The following METTL2B variants were observed in gnomAD, a reference collection of about 807,000 sequenced individuals.
The protein encoded by METTL2B is tRNA N(3)-cytidine methyltransferase METTL2B.
Under a neutral mutation model 51.0 loss-of-function variants are expected in METTL2B, and 28 were observed. The ratio of observed to expected loss-of-function variants is 0.55; its 90% confidence interval spans 0.41 to 0.75. The LOEUF (loss-of-function observed/expected upper bound fraction) is 0.75, where lower values mean the gene tolerates loss of function less well. Ranked by LOEUF, METTL2B falls within the 30% of genes least tolerant of loss-of-function variation. METTL2B has a pLI of 0.00. For missense variants in METTL2B, 313 were observed against 460.7 expected (o/e 0.68, Z 2.93); for synonymous variants, 128 against 166.3 (o/e 0.77, Z 1.77).
intron 7 of METTL2B, among the ~76,000 whole-genome samples, chr7:128,499,416 G>A (rs574933240): frequency 3.4e-4 from 51 of 151,914 alleles, no homozygotes; most frequent in Non-Finnish European, 4.6e-4. Context: ...GCAATGGCGC[G>A]ATCTCGGCTC....
chr7:128,482,722 T>C (rs1424867049), intron 4 of METTL2B, among the ~76,000 whole-genome samples: 1 of 151,934 alleles, frequency 6.6e-6, no homozygotes, highest in Non-Finnish European at 1.5e-5. Context: ...TTAGTAGAGA[T>C]GGGGTTTCGC....
chr7:128,489,582 C>CA (rs1792788707), intron 5 of METTL2B, among the ~76,000 whole-genome samples: 1 of 150,894 alleles, frequency 6.6e-6, no homozygotes, highest in Non-Finnish European at 1.5e-5. Context: ...TGGTGATTGC[C>CA]AAGGGCTGGG....
rs558386630 is a variant in METTL2B at position 128,497,682 on chromosome 7, C to T, written c.810-354C>T. ...ATTTTCAGTAGAGACGGGGTTTCAC[C>T]GTTTTGGCCAGACTGGTCTCAAACT... On this transcript the variant is annotated intron_variant, in intron 6 of 8. Coordinates refer to ENST00000262432, the MANE Select transcript of METTL2B (RefSeq NM_018396.3). Among the ~76,000 whole-genome samples, 19 of 152,226 alleles carry T rather than the reference C, an allele frequency of 1.2e-4. 1 individual carries two copies. The highest frequency in any genetic ancestry group is 8.3e-4 in the South Asian group (4 of 4,816).
chr7:128,479,237 T>C lies in METTL2B; in HGVS notation c.282T>C (p.His94=). ...IHENGFFKDR[H]WLFTEFPELA... The stretch of plus-strand genomic sequence containing the variant: ...AAAATGGGTTTTTCAAGGATAGACA[T>C]TGGCTTTTTACCGAATTCCCTGAGC... The change falls in exon 3 of 9, where the codon CAT becomes CAC. Residue 94 remains histidine (H), a synonymous_variant. Coordinates refer to ENST00000262432, the MANE Select transcript of METTL2B (RefSeq NM_018396.3). 5.0e-6 allele frequency: 8 copies of C among 1,614,220 alleles called. No individual in the cohort carries two copies. The highest frequency in any genetic ancestry group is 6.8e-6 in the Non-Finnish European group (8 of 1,180,034).
intron 7 of METTL2B, among the ~76,000 whole-genome samples, chr7:128,499,114 A>G (rs998765560): frequency 9.2e-5 from 14 of 152,196 alleles, no homozygotes; most frequent in Non-Finnish European, 1.8e-4. Context: ...TTTTCAGTGC[A>G]TATAATAGAT....
At chr7:128,489,464 A>G (rs1683475038) in intron 5 of METTL2B, among the ~76,000 whole-genome samples, 1 of 151,606 alleles carries the variant, frequency 6.6e-6, no homozygotes, top group Non-Finnish European at 1.5e-5. Context: ...AAGAAAAAAA[A>G]TAGTTTATTG....
chr7:128,486,465 T>C (rs565793204), intron 4 of METTL2B, among the ~76,000 whole-genome samples: 1 of 151,898 alleles, frequency 6.6e-6, no homozygotes, highest in Admixed American at 6.6e-5. Context: ...CAAGGCATGG[T>C]GGTGGGCACC....
chr7:128,492,627 T>C (rs2116858879), intron 5 of METTL2B, among the ~76,000 whole-genome samples: 1 of 151,358 alleles, frequency 6.6e-6, no homozygotes, highest in East Asian at 2.0e-4. Flanking sequence ...TTGTTTGTTT[T>C]TGTTTTTGAG....
chr7:128,479,988 G>A (rs1193994247), intron 3 of METTL2B, among the ~76,000 whole-genome samples: 1 of 152,130 alleles, frequency 6.6e-6, no homozygotes, highest in Non-Finnish European at 1.5e-5. Flanking sequence ...TCTAGACCTG[G>A]AAAAATGTCT....
intron 7 of METTL2B, 103 bp from the exon 8 acceptor site, chr7:128,500,800 T>G: frequency 2.3e-6 from 3 of 1,323,280 alleles, no homozygotes; most frequent in Non-Finnish European, 3.2e-6. Context: ...GAGGCAGGAG[T>G]GCTCTCCACC....
Position 128,479,367 on chromosome 7 carries a change from G to T in METTL2B, c.412G>T (p.Glu138Ter). 2 of 1,614,234 alleles carry T rather than the reference G, an allele frequency of 1.2e-6. No homozygotes were observed. The highest frequency in any genetic ancestry group is 1.7e-6 in the Non-Finnish European group (2 of 1,180,040). The change falls in exon 3 of 9, where the codon GAA becomes TAA. Residue 138 changes from glutamate to a stop codon, truncating the protein, a stop_gained. Transcript: ENST00000262432. LOFTEE classifies it high-confidence loss of function. ...TGAGGATGGACCTGGTTTAATAATG[G>T]AAGAACAGCACAAGTGTTCTTCGAA... is the stretch of plus-strand genomic sequence containing the variant. ...NNEDGPGLIM[E>*]EQHKCSSKSL...
At chr7:128,488,185 A>T in intron 5 of METTL2B, 24 bp downstream of exon 5, 1 of 1,611,336 alleles carries the variant, frequency 6.2e-7, no homozygotes, top group South Asian at 1.1e-5. Context: ...GAAATTACCT[A>T]TTGGTAATTT....
chr7:128,482,601 T>G (rs921062496), intron 4 of METTL2B, among the ~76,000 whole-genome samples: 2 of 152,212 alleles, frequency 1.3e-5, no homozygotes, highest in African/African-American at 2.4e-5. Context: ...TGGCGTAATC[T>G]TGGCTCACTG....
intron 5 of METTL2B, among the ~76,000 whole-genome samples, chr7:128,492,783 AT>A (rs1357057382): frequency 6.6e-6 from 1 of 151,220 alleles, no homozygotes; most frequent in African/African-American, 2.4e-5. Flanking sequence ...CACCCGGCTA[AT>A]TTTTTGTATT....
At chr7:128,498,949 A>C (rs1792975645) in intron 7 of METTL2B, among the ~76,000 whole-genome samples, 1 of 151,712 alleles carries the variant, frequency 6.6e-6, no homozygotes, top group South Asian at 2.1e-4. Flanking sequence ...GTGAGCCGAG[A>C]TCGCACCATT....
chr7:128,487,429 G>A lies in METTL2B; in HGVS notation c.609-672G>A, dbSNP rs116625443. 9.7e-3 allele frequency among the ~76,000 whole-genome samples: 1,477 copies of A among 152,250 alleles called. 30 individuals carry two copies. Among genetic ancestry groups the A allele is most frequent in the African/African-American group, 0.034 (1,408 of 41,558 alleles). On this transcript the variant is annotated intron_variant, in intron 4 of 8. Coordinates refer to ENST00000262432, the MANE Select transcript of METTL2B (RefSeq NM_018396.3). ...GAATTCTGGCATTACAAATTGTTTTGTATTTTGATGCCTTCAGAATAAATA... is the reference window on the plus strand; with the variant it reads ...GAATTCTGGCATTACAAATTGTTTTATATTTTGATGCCTTCAGAATAAATA...
At chr7:128,478,470 CA>C (rs1301251710) in intron 2 of METTL2B, among the ~76,000 whole-genome samples, 2 of 146,182 alleles carry the variant, frequency 1.4e-5, no homozygotes, top group African/African-American at 5.0e-5. Flanking sequence ...AGGATGGTCT[CA>C]ATCTCCTGAC....
At chr7:128,489,978 C>A (rs1241898565) in intron 5 of METTL2B, among the ~76,000 whole-genome samples, 3 of 152,180 alleles carry the variant, frequency 2.0e-5, no homozygotes, top group Non-Finnish European at 4.4e-5. Flanking sequence ...TCAATTGGCT[C>A]TTCCTTTCAT....
chr7:128,487,891 C>G (rs1190125682), intron 4 of METTL2B, among the ~76,000 whole-genome samples: 1 of 151,878 alleles, frequency 6.6e-6, no homozygotes, highest in Admixed American at 6.6e-5. Context: ...GTTTTATAAA[C>G]TTCATATTAG....
Sources: allele counts gnomAD v4.1 joint callset (sites outside exome capture counted in the v4.1 genomes callset), GRCh38; gene constraint gnomAD v4.1.1; transcripts MANE v1.5; gene names NCBI Gene and HGNC (gene_info 2026-07-23, HGNC 2026-07-21).